CCDC171: variants seen among roughly 807,000 people sequenced by gnomAD.
The protein encoded by CCDC171 is coiled-coil domain-containing protein 171.
A neutral mutation model predicts 168.2 loss-of-function variants in CCDC171; 177 were observed. That is an observed-to-expected ratio of 1.05 (90% CI 0.93 to 1.19). CCDC171 has a LOEUF of 1.19. CCDC171 is among the 50% of genes most tolerant of loss of function. The pLI is 0.00. For missense variants in CCDC171, 1,991 were observed against 1,539.0 expected (o/e 1.29, Z -4.91); for synonymous variants, 687 against 540.8 (o/e 1.27, Z -3.75).
At chr9:15,567,461 C>T (rs1047421645) in intron 2 of CCDC171, among the ~76,000 whole-genome samples, 21 of 152,182 alleles carry the variant, frequency 1.4e-4, no homozygotes, top group African/African-American at 4.8e-4. Flanking sequence ...ATCAGCTTTT[C>T]AGTTTCTGCA....
At chr9:16,095,899 T>C in the CCDC171 span, among the ~76,000 whole-genome samples, 52 of 140,222 alleles carry the variant, frequency 3.7e-4, 2 homozygotes, top group African/African-American at 6.5e-4. Flanking sequence ...TATATATATA[T>C]ACTGCCTCCA....
chr9:15,666,221 C>G lies in CCDC171; in HGVS notation c.974C>G (p.Ala325Gly), dbSNP rs2048723558. The G allele has an allele frequency of 1.2e-6, 2 of 1,613,608 alleles. No homozygotes were observed. The highest frequency in any genetic ancestry group is 1.7e-6 in the Non-Finnish European group (2 of 1,179,818). ...GTAGAGAAGGCCAGTCAAGCAGAAG[C>G]TGTTGCTGATTTGGAAATTATCAAG... is the stretch of plus-strand genomic sequence containing the variant. ...LQVEKASQAE[A>G]VADLEIIKNE... The change falls in exon 9 of 26, where the codon GCT (alanine) becomes GGT (glycine). Residue 325 changes from alanine to glycine, a missense_variant. By Grantham distance (60) the Ala-to-Gly change is moderately conservative. Coordinates refer to ENST00000380701, the MANE Select transcript of CCDC171 (RefSeq NM_173550.4).
chr9:15,596,593 T>A (rs1564012182), intron 6 of CCDC171, among the ~76,000 whole-genome samples: 2 of 152,040 alleles, frequency 1.3e-5, no homozygotes, highest in Non-Finnish European at 2.9e-5. Context: ...CCTCCAGCTT[T>A]GTTCTTTTGG....
intron 21 of CCDC171, among the ~76,000 whole-genome samples, chr9:15,809,055 C>G (rs2059208918): frequency 6.6e-6 from 1 of 152,106 alleles, no homozygotes; most frequent in South Asian, 2.1e-4. Context: ...GAGTGCTCGT[C>G]CATGATGGTT....
At chr9:15,588,054 G>C (rs1033694623) in intron 4 of CCDC171, among the ~76,000 whole-genome samples, 1 of 152,024 alleles carries the variant, frequency 6.6e-6, no homozygotes, top group African/African-American at 2.4e-5. Flanking sequence ...GACTGATATG[G>C]TGAAACCCTG....
At chr9:15,758,615 G>A (rs1436727798) in intron 18 of CCDC171, among the ~76,000 whole-genome samples, 1 of 152,138 alleles carries the variant, frequency 6.6e-6, no homozygotes, top group Non-Finnish European at 1.5e-5. Context: ...GATGTGGGAG[G>A]GAGTCAGGGT....
In CCDC171 at chr9:15,724,870, T is replaced by G; in HGVS notation, c.1586T>G (p.Val529Gly). 1 of 1,613,762 alleles carries G rather than the reference T, an allele frequency of 6.2e-7. No homozygotes were observed. The highest frequency in any genetic ancestry group is 8.5e-7 in the Non-Finnish European group (1 of 1,179,754). The change falls in exon 14 of 26, where the codon GTG becomes GGG. Residue 529 changes from valine (V) to glycine (G), a missense_variant. Val to Gly is a moderately radical substitution (Grantham distance 109). Coordinates refer to ENST00000380701, the MANE Select transcript of CCDC171 (RefSeq NM_173550.4). ...DREALISTLKVELQNVLHCWE... is the reference protein window; with the variant it reads ...DREALISTLKGELQNVLHCWE... ...GAGGCTTTAATAAGCACTTTAAAAG[T>G]GGAACTACAAAATGTGCTGCACTGT...
At chr9:15,563,942 C>G (rs2039518744) in intron 1 of CCDC171, 36 bp from the exon 2 acceptor site, 1 of 626,922 alleles carries the variant, frequency 1.6e-6, no homozygotes. Flanking sequence ...AGTATCAGGA[C>G]TCAAACTGCT....
chr9:15,738,630 T>G (rs2054644946), intron 16 of CCDC171, among the ~76,000 whole-genome samples: 1 of 152,098 alleles, frequency 6.6e-6, no homozygotes, highest in Admixed American at 6.6e-5. Flanking sequence ...ATTTTTTTTT[T>G]TAAAGCAAAT....
chr9:15,762,275 C>G (rs1156504115), intron 18 of CCDC171, among the ~76,000 whole-genome samples: 1 of 150,344 alleles, frequency 6.7e-6, no homozygotes, highest in Non-Finnish European at 1.5e-5. Flanking sequence ...CAAATCTGTA[C>G]TAAAATATTA....
chr9:15,980,190 A>G (rs1221387345), intron 3 of CCDC171, among the ~76,000 whole-genome samples: 1 of 152,168 alleles, frequency 6.6e-6, no homozygotes, highest in Non-Finnish European at 1.5e-5. Context: ...TCAAATTAGG[A>G]TTTTGACTTT....
intron 1 of CCDC171, among the ~76,000 whole-genome samples, chr9:15,562,704 G>A (rs2039409165): frequency 6.6e-6 from 1 of 152,138 alleles, no homozygotes; most frequent in African/African-American, 2.4e-5. Context: ...CTGCATATGT[G>A]TATTTAAGCT....
chr9:16,104,489 C>A, the CCDC171 span, among the ~76,000 whole-genome samples: 5 of 152,174 alleles, frequency 3.3e-5, no homozygotes, highest in Non-Finnish European at 1.5e-5. Flanking sequence ...AGTAATTCAT[C>A]ATGAGCATCC....
intron 11 of CCDC171, among the ~76,000 whole-genome samples, chr9:15,705,746 A>C (rs1282198591): frequency 6.6e-6 from 1 of 152,164 alleles, no homozygotes; most frequent in East Asian, 1.9e-4. Context: ...TTATTATTAT[A>C]TTTCAGTTCC....
At chr9:15,639,192 C>G (rs2046414762) in intron 7 of CCDC171, among the ~76,000 whole-genome samples, 1 of 151,928 alleles carries the variant, frequency 6.6e-6, no homozygotes, top group Admixed American at 6.6e-5. Flanking sequence ...TTAAAGCCAT[C>G]ATGTGTTTGT....
At chr9:15,580,983 G>A (rs998665429) in intron 4 of CCDC171, among the ~76,000 whole-genome samples, 2 of 152,168 alleles carry the variant, frequency 1.3e-5, no homozygotes, top group Non-Finnish European at 2.9e-5. Context: ...AAAAGAGGAA[G>A]TCACATTGTC....
rs370325338 is a variant in CCDC171, at chr9:16,026,273, C to T, written n.998+3365C>T. On this transcript the variant is annotated intron_variant and non_coding_transcript_variant, in intron 6 of 9. Transcript: ENST00000486641. ...ACAGATACACGTGGTGTTGGATAGACAGGGAGATTCAACCAGTCATTACCT... is the reference window on the plus strand; with the variant it reads ...ACAGATACACGTGGTGTTGGATAGATAGGGAGATTCAACCAGTCATTACCT... Among the ~76,000 whole-genome samples, 6 of 152,274 alleles carry T rather than the reference C, an allele frequency of 3.9e-5. No individual in the cohort carries two copies. The East Asian group carries it at 1.2e-3, about 29-fold the overall frequency.
At chr9:15,938,178 G>C (rs1313585348) in intron 25 of CCDC171, among the ~76,000 whole-genome samples, 1 of 151,836 alleles carries the variant, frequency 6.6e-6, no homozygotes, top group African/African-American at 2.4e-5. Context: ...CTCAGTCCCA[G>C]AGAGAATATG....
intron 25 of CCDC171, among the ~76,000 whole-genome samples, chr9:15,947,895 T>C (rs1828611514): frequency 2.6e-5 from 4 of 151,992 alleles, no homozygotes; most frequent in African/African-American, 9.7e-5. Context: ...TACATATGTA[T>C]ACATGTGCCA....
Sources: allele counts gnomAD v4.1 joint callset (sites outside exome capture counted in the v4.1 genomes callset), GRCh38; gene constraint gnomAD v4.1.1; transcripts MANE v1.5; gene names NCBI Gene and HGNC (gene_info 2026-07-23, HGNC 2026-07-21).